Variants in OTULINL observed in about 807,000 individuals in gnomAD.
The protein encoded by OTULINL is inactive ubiquitin thioesterase OTULINL.
In OTULINL, 42 loss-of-function variants were observed where a neutral mutation model predicts 43.9. The observed-to-expected ratio is 0.96, with a 90% CI of 0.75 to 1.24. The LOEUF (loss-of-function observed/expected upper bound fraction) is 1.24. Among genes scored for constraint, OTULINL ranks in the 50% most tolerant of loss-of-function variants. The pLI, the probability that OTULINL is intolerant of heterozygous loss-of-function variation, is 0.00. For missense variants in OTULINL, 411 were observed against 426.4 expected (o/e 0.96, Z 0.32); for synonymous variants, 172 against 153.6 (o/e 1.12, Z -0.88).
At chr5:14,595,606 A>G (rs1759272284) in intron 1 of OTULINL, among the ~76,000 whole-genome samples, 1 of 147,776 alleles carries the variant, frequency 6.8e-6, no homozygotes, top group African/African-American at 2.5e-5. Context: ...GAAAAAAAAA[A>G]ACACTAAGTA....
rs1183096300 is a variant in OTULINL, at chr5:14,611,001, T to C, written c.*687T>C. 1 of 152,206 alleles carries C rather than the reference T, an allele frequency of 6.6e-6. No homozygotes were observed. The allele number at this position is 152,206 out of a possible 1,614,324, so 9.4% of individuals were successfully genotyped here. ...TTACTATTTTATCTGGCCAGCTTAA[T>C]AGTTTTATTTAGATTTTTTAAAATT... On this transcript the variant is annotated 3_prime_UTR_variant, in exon 8 of 8. Transcript: ENST00000274217.
intron 1 of OTULINL, among the ~76,000 whole-genome samples, chr5:14,587,275 G>T (rs1759115912): frequency 6.6e-6 from 1 of 152,232 alleles, no homozygotes; most frequent in South Asian, 2.1e-4. Flanking sequence ...AAGACTGGGT[G>T]CTGTGTGTCT....
At position 14,614,946 on chromosome 5, in the gene OTULINL, A is replaced by G. The variant is rs1045860605; in HGVS notation, c.*4632A>G. 5.1e-6 allele frequency: 2 copies of G among 394,828 alleles called. No individual in the cohort carries two copies. The highest frequency in any genetic ancestry group is 3.6e-5 in the East Asian group (1 of 27,876). 24.5% of individuals were successfully genotyped at this position (394,828 alleles called of 1,614,324 possible). On this transcript the variant is annotated 3_prime_UTR_variant, in exon 8 of 8. Transcript: ENST00000274217. ...AGTGAGAGTCACTCACTTATTTGTA[A>G]TGATTCTTGGGAAGTTTAGTCAAGA...
chr5:14,608,597 TCAAA>T, intron 6 of OTULINL, 147 bp from the exon 7 acceptor site: 1 of 659,488 alleles, frequency 1.5e-6, no homozygotes, highest in South Asian at 2.2e-5. Flanking sequence ...TTAAAAAAAA[TCAAA>T]CAGTGCCGAA....
At chr5:14,590,005 AAAC>A (rs1318134757) in intron 1 of OTULINL, among the ~76,000 whole-genome samples, 2 of 152,212 alleles carry the variant, frequency 1.3e-5, no homozygotes, top group African/African-American at 4.8e-5. Flanking sequence ...AGCCATAGAA[AAAC>A]AACAGCTGTG....
intron 1 of OTULINL, 129 bp downstream of exon 1, chr5:14,582,087 T>A: frequency 1.7e-6 from 1 of 591,986 alleles, no homozygotes; most frequent in Non-Finnish European, 2.3e-6. Context: ...GGGCTGGGAA[T>A]CCTGGAGCCC....
chr5:14,600,289 A>G (rs572834437), intron 1 of OTULINL, among the ~76,000 whole-genome samples: 1 of 152,284 alleles, frequency 6.6e-6, no homozygotes, highest in South Asian at 2.1e-4. Context: ...CCATGATTGT[A>G]AGTTTCCTGA....
chr5:14,613,213 C>A lies in OTULINL; in HGVS notation c.*2899C>A, dbSNP rs1216881218. Among the ~76,000 whole-genome samples, 1 of 152,166 alleles carries A rather than the reference C, an allele frequency of 6.6e-6. No individual in the cohort carries two copies. The highest frequency in any genetic ancestry group is 6.5e-5 in the Admixed American group (1 of 15,282). On this transcript the variant is annotated 3_prime_UTR_variant, in exon 8 of 8. Transcript: ENST00000274217. Reference sequence around the variant, plus strand: ...CTGGGATTACGGGTGTGAGCCACTGCGCCCGGCCCTAACAATTTTTAAGTG... The same window carrying A: ...CTGGGATTACGGGTGTGAGCCACTGAGCCCGGCCCTAACAATTTTTAAGTG...
In OTULINL at chr5:14,613,263, T is replaced by C. The variant is rs1009070326; in HGVS notation, c.*2949T>C. 2.0e-5 allele frequency among the ~76,000 whole-genome samples: 3 copies of C among 152,214 alleles called. No individual in the cohort carries two copies. Among genetic ancestry groups the C allele is most frequent in the Admixed American group, 1.3e-4 (2 of 15,288 alleles). ...GACAGTGACATTAAGCATATTCACA[T>C]TGTTGTGCAACCCTCACCACCATCC... On this transcript the variant is annotated 3_prime_UTR_variant, in exon 8 of 8. Transcript: ENST00000274217.
In OTULINL at chr5:14,581,799, G is replaced by A; in HGVS notation, c.-96G>A. 9.6e-7 allele frequency: 1 copy of A among 1,045,366 alleles called. No individual in the cohort carries two copies. The highest frequency in any genetic ancestry group is 1.2e-6 in the Non-Finnish European group (1 of 807,136). 64.8% of individuals were successfully genotyped at this position (1,045,366 alleles called of 1,614,324 possible). A position where few individuals can be genotyped will look rare whatever the true frequency, so the allele number is the denominator to read the frequency against. On this transcript the variant is annotated 5_prime_UTR_variant, in exon 1 of 8. Transcript: ENST00000274217. ...CCCCGCCCTCCCCAGCCCGCCTCAG[G>A]GAAGCGAGCCCGGGCGCCGGCGGGC...
Position 14,601,260 on chromosome 5 carries a change from C to T in OTULINL, c.256+16C>T. The T allele has an allele frequency of 6.2e-7, 1 of 1,609,546 alleles. No individual in the cohort carries two copies. Among genetic ancestry groups the T allele is most frequent in the Non-Finnish European group, 8.5e-7 (1 of 1,177,060 alleles). On this transcript the variant is annotated intron_variant, in intron 3 of 7. Transcript: ENST00000274217. The stretch of plus-strand genomic sequence containing the variant: ...AAATTCAAAAGTAAATATTTTCATT[C>T]ATTTATTTCTTTATTTTTAAGGTGC...
In OTULINL at chr5:14,600,988, A is replaced by G. The variant is rs766464461; in HGVS notation, c.88A>G (p.Met30Val). The change falls in exon 2 of 8, where the codon ATG becomes GTG. Residue 30 changes from methionine to valine, a missense_variant. Coordinates refer to ENST00000274217, the MANE Select transcript of OTULINL (RefSeq NM_019018.3). ...AGGAAGTGACCAAGTTCACTCCTGG[A>G]TGCTAGCTACAAGCCAAGCCTTAGA... ...AAGSDQVHSW[M>V]LATSQALDTV... is the part of the protein sequence containing the mutation. The G allele has an allele frequency of 4.9e-5, 73 of 1,505,122 alleles. No homozygotes were observed. The highest frequency in any genetic ancestry group is 2.7e-5 in the Non-Finnish European group (30 of 1,131,584). The allele number at this position is 1,505,122 out of a possible 1,614,324, so 93.2% of individuals were successfully genotyped here.
intron 5 of OTULINL, among the ~76,000 whole-genome samples, chr5:14,603,910 G>A (rs144461266): frequency 1.6e-4 from 25 of 152,294 alleles, no homozygotes; most frequent in African/African-American, 5.1e-4. Context: ...GCACGTGTGT[G>A]TGTGTTCAAT....
chr5:14,594,558 A>T (rs779386565), intron 1 of OTULINL, among the ~76,000 whole-genome samples: 2 of 152,094 alleles, frequency 1.3e-5, no homozygotes, highest in African/African-American at 2.4e-5. Flanking sequence ...GTGGGCAGGG[A>T]CCGTGTCTTG....
At chr5:14,599,657 T>C (rs149294384) in intron 1 of OTULINL, among the ~76,000 whole-genome samples, 15 of 152,364 alleles carry the variant, frequency 9.8e-5, no homozygotes, top group African/African-American at 3.6e-4. Flanking sequence ...TACTAAATTA[T>C]GTACTGTGGA....
chr5:14,599,082 G>A (rs1402864165), intron 1 of OTULINL, among the ~76,000 whole-genome samples: 2 of 151,660 alleles, frequency 1.3e-5, no homozygotes, highest in African/African-American at 4.8e-5. Context: ...TTTACTAAAT[G>A]TCTAGGTAAG....
intron 1 of OTULINL, among the ~76,000 whole-genome samples, chr5:14,586,285 G>A (rs762741774): frequency 6.6e-6 from 1 of 152,166 alleles, no homozygotes; most frequent in Non-Finnish European, 1.5e-5. Flanking sequence ...GAAAGTTTTT[G>A]TATATGTTCT....
At chr5:14,589,233 C>A (rs1397822099) in intron 1 of OTULINL, among the ~76,000 whole-genome samples, 1 of 152,030 alleles carries the variant, frequency 6.6e-6, no homozygotes, top group African/African-American at 2.4e-5. Flanking sequence ...ACACCGTGTG[C>A]TATGAGAGAG....
chr5:14,607,654 C>G (rs917204958), intron 6 of OTULINL, among the ~76,000 whole-genome samples, 196 bp downstream of exon 6: 7 of 152,290 alleles, frequency 4.6e-5, no homozygotes, highest in African/African-American at 1.4e-4. Context: ...CAACATTGTT[C>G]TACACGATAA....
Sources: allele counts gnomAD v4.1 joint callset (sites outside exome capture counted in the v4.1 genomes callset), GRCh38; gene constraint gnomAD v4.1.1; transcripts MANE v1.5; gene names NCBI Gene and HGNC (gene_info 2026-07-23, HGNC 2026-07-21).